The following AGAP1 variants were observed in gnomAD, a reference collection of about 807,000 sequenced individuals.
AGAP1 encodes the protein arf-GAP with GTPase, ANK repeat and PH domain-containing protein 1.
In AGAP1, 29 loss-of-function variants were observed where a neutral mutation model predicts 105.3. The observed-to-expected ratio is 0.28, with a 90% CI of 0.21 to 0.38. The LOEUF (loss-of-function observed/expected upper bound fraction) is 0.38, where lower values mean the gene tolerates loss of function less well. AGAP1 is among the 10% of genes least tolerant of loss of function. The probability of loss-of-function intolerance (pLI) is 1.00; values close to 1 mark genes in which losing one functional copy is unlikely to be tolerated. For missense variants in AGAP1, 998 were observed against 1,165.1 expected (o/e 0.86, Z 2.09); for synonymous variants, 509 against 485.9 (o/e 1.05, Z -0.63).
chr2:235,521,695 A>G (rs1942619364), intron 1 of AGAP1, among the ~76,000 whole-genome samples: 1 of 151,304 alleles, frequency 6.6e-6, no homozygotes. Context: ...TCTCTTATTA[A>G]TAGACGTTGG....
chr2:235,636,765 G>C (rs1237939704), intron 1 of AGAP1, among the ~76,000 whole-genome samples: 2 of 152,126 alleles, frequency 1.3e-5, no homozygotes, highest in Non-Finnish European at 2.9e-5. Flanking sequence ...ATGGAAATAA[G>C]GTCGTCGCAG....
intron 9 of AGAP1, among the ~76,000 whole-genome samples, chr2:235,846,610 C>A (rs541713523): frequency 1.6e-4 from 24 of 151,838 alleles, no homozygotes; most frequent in Non-Finnish European, 2.9e-4. Flanking sequence ...GTATTACAGG[C>A]GTGACCCACT....
Position 235,989,606 on chromosome 2 carries a change from C to G in AGAP1, c.1645+20983C>G, listed in dbSNP as rs910951079. Reference sequence around the variant, plus strand: ...GCCACATACAAAGCTTAGGGCCACCCAGGAAGATGTGGGAGAAACTAGAGG... The same window carrying G: ...GCCACATACAAAGCTTAGGGCCACCGAGGAAGATGTGGGAGAAACTAGAGG... On this transcript the variant is annotated intron_variant, in intron 13 of 17. Coordinates refer to ENST00000304032, the MANE Select transcript of AGAP1 (RefSeq NM_001037131.3). The surrounding 1 kb of genome is among the most constrained non-coding windows in gnomAD (Gnocchi z 4.4). 5.9e-5 allele frequency among the ~76,000 whole-genome samples: 9 copies of G among 152,130 alleles called. No homozygotes were observed. The highest frequency in any genetic ancestry group is 1.3e-4 in the Non-Finnish European group (9 of 68,032).
At chr2:235,974,485 A>G (rs146344958) in intron 13 of AGAP1, among the ~76,000 whole-genome samples, 232 of 152,322 alleles carry the variant, frequency 1.5e-3, no homozygotes, top group African/African-American at 5.3e-3. Flanking sequence ...CCTTGGGTTC[A>G]CAGCGCTTTG....
chr2:235,930,662 TA>T lies in AGAP1; in HGVS notation c.1325-101del. ...GCAGGACAGGGGCTGCTCTCGGTGG[TA>T]AGGTGCACTATGTGCCAGCGTGTGG... is the stretch of plus-strand genomic sequence containing the variant. On this transcript the variant is annotated intron_variant, in intron 11 of 17. Coordinates refer to ENST00000304032, the MANE Select transcript of AGAP1 (RefSeq NM_001037131.3). The surrounding 1 kb of genome is among the most constrained non-coding windows in gnomAD (Gnocchi z 7.9). 1.7e-6 allele frequency: 2 copies of T among 1,208,980 alleles called. No homozygotes were observed. Among genetic ancestry groups the T allele is most frequent in the Non-Finnish European group, 2.3e-6 (2 of 872,130 alleles). The allele number at this position is 1,208,980 out of a possible 1,614,324, so 74.9% of individuals were successfully genotyped here. A position where few individuals can be genotyped will look rare whatever the true frequency, so the allele number is the denominator to read the frequency against.
intron 1 of AGAP1, among the ~76,000 whole-genome samples, chr2:235,629,044 T>A (rs1946734756): frequency 6.6e-6 from 1 of 152,260 alleles, no homozygotes; most frequent in South Asian, 2.1e-4. Flanking sequence ...ACTCCTGACC[T>A]CATGATCCAG....
At chr2:235,571,560 T>G (rs935655541) in intron 1 of AGAP1, among the ~76,000 whole-genome samples, 4 of 152,322 alleles carry the variant, frequency 2.6e-5, no homozygotes, top group Admixed American at 6.5e-5. Flanking sequence ...GGTTAAAATA[T>G]TAACCACCTA....
At chr2:235,645,950 AC>A (rs1947369132) in intron 1 of AGAP1, among the ~76,000 whole-genome samples, 2 of 152,082 alleles carry the variant, frequency 1.3e-5, no homozygotes, top group African/African-American at 4.8e-5. Context: ...AAGTGGTGAA[AC>A]CAAGTCTATC....
In AGAP1 at chr2:235,691,409, C is replaced by T. The variant is rs1037173561; in HGVS notation, c.164-17770C>T. On this transcript the variant is annotated intron_variant, in intron 1 of 17. Transcript: ENST00000304032. The surrounding 1 kb of genome is among the most constrained non-coding windows in gnomAD (Gnocchi z 4.4). ...CAGGAATTGTTACACGTCTCCGTTG[C>T]GAGAAGCAAAAGTAGATTTAACACA... Among the ~76,000 whole-genome samples, 18 of 152,194 alleles carry T rather than the reference C, an allele frequency of 1.2e-4. No individual in the cohort carries two copies. The highest frequency in any genetic ancestry group is 8.8e-5 in the Non-Finnish European group (6 of 68,044).
In AGAP1 at chr2:235,946,869, C is replaced by G. The variant is rs1266161315; in HGVS notation, c.1483+15946C>G. ...CCTGCTGTGCCTGGGAACCCCTCCC[C>G]ACCCTTGTGTCCACCAAATACCACC... is the stretch of plus-strand genomic sequence containing the variant. On this transcript the variant is annotated intron_variant, in intron 12 of 17. Coordinates refer to ENST00000304032, the MANE Select transcript of AGAP1 (RefSeq NM_001037131.3). Among the ~76,000 whole-genome samples, 7 of 152,278 alleles carry G rather than the reference C, an allele frequency of 4.6e-5. No individual in the cohort carries two copies. The East Asian group carries it at 1.4e-3, about 30-fold the overall frequency.
intron 1 of AGAP1, among the ~76,000 whole-genome samples, chr2:235,532,940 T>C (rs900751617): frequency 6.6e-6 from 1 of 152,160 alleles, no homozygotes; most frequent in African/African-American, 2.4e-5. Context: ...GCTTTCGCTT[T>C]CCTTGGTTTG....
intron 1 of AGAP1, among the ~76,000 whole-genome samples, chr2:235,669,121 GAC>G (rs1033095785): frequency 2.0e-5 from 3 of 152,146 alleles, no homozygotes; most frequent in Admixed American, 6.5e-5. Flanking sequence ...AAACAATAAA[GAC>G]AGAATTATGT....
At chr2:235,809,390 C>T (rs1240884814) in intron 9 of AGAP1, among the ~76,000 whole-genome samples, 1 of 152,110 alleles carries the variant, frequency 6.6e-6, no homozygotes, top group East Asian at 1.9e-4. Context: ...GCACAGGGAG[C>T]TCCTTGTCCC....
chr2:235,872,055 G>A lies in AGAP1; in HGVS notation c.1051-11290G>A, dbSNP rs115755559. 5.1e-3 allele frequency among the ~76,000 whole-genome samples: 777 copies of A among 152,246 alleles called. 8 individuals carry two copies. The highest frequency in any genetic ancestry group is 0.018 in the African/African-American group (743 of 41,526). ...GTCGTGGATATCAGTTGTGATTGCA[G>A]TTGATGAAATATGCAGTTGTGAATA... On this transcript the variant is annotated intron_variant, in intron 9 of 17. Coordinates refer to ENST00000304032, the MANE Select transcript of AGAP1 (RefSeq NM_001037131.3). This position sits in a 1 kb window ranked among gnomAD's most constrained non-coding sequence, Gnocchi z 4.5.
At position 235,601,283 on chromosome 2, in the gene AGAP1, A is replaced by T. The variant is rs1177045020; in HGVS notation, c.163+106434A>T. On this transcript the variant is annotated intron_variant, in intron 1 of 17. Coordinates refer to ENST00000304032, the MANE Select transcript of AGAP1 (RefSeq NM_001037131.3). The surrounding 1 kb of genome is among the most constrained non-coding windows in gnomAD (Gnocchi z 4.4). ...GTCCTCTCTGTGCTTGGGGGTGGGG[A>T]GAGAGGCGAGAAGGGAAGGAGAAAG... Among the ~76,000 whole-genome samples the T allele has an allele frequency of 2.0e-5, 3 of 152,110 alleles. No homozygotes were observed. The highest frequency in any genetic ancestry group is 4.4e-5 in the Non-Finnish European group (3 of 68,024).
chr2:236,052,917 C>A (rs540953622), intron 16 of AGAP1, among the ~76,000 whole-genome samples: 2 of 152,114 alleles, frequency 1.3e-5, no homozygotes, highest in Non-Finnish European at 2.9e-5. Flanking sequence ...CTTAAAATAT[C>A]GATTTTAAGT....
At chr2:235,684,035 C>CT (rs139577153) in intron 1 of AGAP1, among the ~76,000 whole-genome samples, 1 of 151,774 alleles carries the variant, frequency 6.6e-6, no homozygotes, top group African/African-American at 2.4e-5. Flanking sequence ...TGAACTCATC[C>CT]TTTTTTTGTT....
In AGAP1 at chr2:236,011,244, G is replaced by A. The variant is rs1378999323; in HGVS notation, c.1646-25317G>A. ...TGTGGGGACAGTGCTGTCCTCCCACGAGTGGCATTCTCTCCCAGGCCCACT... is the reference window on the plus strand; with the variant it reads ...TGTGGGGACAGTGCTGTCCTCCCACAAGTGGCATTCTCTCCCAGGCCCACT... On this transcript the variant is annotated intron_variant, in intron 13 of 17. Coordinates refer to ENST00000304032, the MANE Select transcript of AGAP1 (RefSeq NM_001037131.3). 3.3e-5 allele frequency among the ~76,000 whole-genome samples: 5 copies of A among 152,178 alleles called. 1 individual carries two copies. The highest frequency in any genetic ancestry group is 7.2e-5 in the African/African-American group (3 of 41,440).
intron 11 of AGAP1, among the ~76,000 whole-genome samples, chr2:235,924,416 C>T (rs1258160734): frequency 6.6e-6 from 1 of 152,116 alleles, no homozygotes; most frequent in East Asian, 1.9e-4. Flanking sequence ...TGTAGGTTCC[C>T]TAAGACAGGG....
Sources: gnomAD v4.1 joint callset for allele counts (sites outside exome capture counted in the v4.1 genomes callset) on GRCh38, gnomAD v4.1.1 for gene constraint, Gnocchi (gnomAD v3.1) non-coding constraint, MANE v1.5 for transcripts, NCBI Gene and HGNC (gene_info 2026-07-23, HGNC 2026-07-21) for gene names.